The following CCDC68 variants were observed in gnomAD, a reference collection of about 807,000 sequenced individuals.
The protein encoded by CCDC68 is coiled-coil domain-containing protein 68.
A neutral mutation model predicts 47.1 loss-of-function variants in CCDC68; 45 were observed. The ratio of observed to expected loss-of-function variants is 0.96; its 90% CI spans 0.75 to 1.23. CCDC68 has a LOEUF of 1.23. Ranked by LOEUF, CCDC68 falls within the 50% of genes most tolerant of loss-of-function variation. The pLI, the probability that CCDC68 is intolerant of heterozygous loss-of-function variation, is 0.00. For missense variants in CCDC68, 353 were observed against 373.6 expected, an observed-to-expected ratio of 0.94 and a Z score of 0.45; for synonymous variants, 131 against 129.5, an observed-to-expected ratio of 1.01 and a Z score of -0.08.
chr18:54,938,442 G>T (rs1436405210), intron 4 of CCDC68, among the ~76,000 whole-genome samples: 1 of 152,140 alleles, frequency 6.6e-6, no homozygotes, highest in Non-Finnish European at 1.5e-5. Context: ...ATTACATTTT[G>T]GTCACATTGC....
chr18:54,901,696 TTTTCCTGAC>T lies in CCDC68; in HGVS notation c.*2653_*2661del, dbSNP rs1913691060. On this transcript the variant is annotated 3_prime_UTR_variant, in exon 12 of 12. Coordinates refer to ENST00000591504, the MANE Select transcript of CCDC68 (RefSeq NM_025214.3). ...TCAAGGTAGAACTAAGTTTCTTTTC[TTTTCCTGAC>T]TTCATGTATGAATTTCAGACCCACC... 1 of 152,202 alleles carries T rather than the reference TTTTCCTGAC, an allele frequency of 6.6e-6. No homozygotes were observed. The highest frequency in any genetic ancestry group is 6.5e-5 in the Admixed American group (1 of 15,280). 9.4% of individuals were successfully genotyped at this position (152,202 alleles called of 1,614,324 possible).
intron 8 of CCDC68, among the ~76,000 whole-genome samples, chr18:54,921,800 C>A (rs1046290401): frequency 2.0e-5 from 3 of 152,156 alleles, no homozygotes; most frequent in African/African-American, 7.2e-5. Flanking sequence ...GAAATGTAAA[C>A]GGTCAATGCA....
intron 8 of CCDC68, among the ~76,000 whole-genome samples, chr18:54,919,757 G>C (rs540500849): frequency 2.6e-4 from 39 of 152,196 alleles, no homozygotes; most frequent in Non-Finnish European, 5.4e-4. Flanking sequence ...CAATAGCAGA[G>C]TCAGAACATG....
intron 1 of CCDC68, among the ~76,000 whole-genome samples, chr18:54,959,025 G>A (rs927984036): frequency 6.6e-6 from 1 of 152,180 alleles, no homozygotes; most frequent in East Asian, 1.9e-4. Flanking sequence ...GGGGACCCCT[G>A]ACAAACGGAT....
chr18:54,908,639 G>C (rs1207787442), intron 10 of CCDC68, among the ~76,000 whole-genome samples: 1 of 152,072 alleles, frequency 6.6e-6, no homozygotes, highest in African/African-American at 2.4e-5. Context: ...GATTTAAAAT[G>C]AGATAAAAAA....
chr18:54,911,103 C>A (rs1914337772), intron 10 of CCDC68, among the ~76,000 whole-genome samples: 1 of 152,184 alleles, frequency 6.6e-6, no homozygotes. Context: ...CTCATTACAG[C>A]CATCAATGGC....
chr18:54,918,369 G>A (rs929055732), intron 9 of CCDC68, among the ~76,000 whole-genome samples: 8 of 152,216 alleles, frequency 5.3e-5, no homozygotes, highest in African/African-American at 1.9e-4. Context: ...GGTGTGCAGA[G>A]GGTCCCTGCA....
intron 7 of CCDC68, among the ~76,000 whole-genome samples, chr18:54,929,616 T>C (rs551766329): frequency 6.6e-6 from 1 of 152,250 alleles, no homozygotes; most frequent in African/African-American, 2.4e-5. Context: ...GTTGCCAAGT[T>C]GGAAAGAATC....
At chr18:54,920,437 C>T (rs1348958858) in intron 8 of CCDC68, among the ~76,000 whole-genome samples, 1 of 152,030 alleles carries the variant, frequency 6.6e-6, no homozygotes, top group Non-Finnish European at 1.5e-5. Flanking sequence ...GATGGAGTTT[C>T]ACCATGTTGG....
rs781685892 is a variant in CCDC68 at position 54,918,011 on chromosome 18, A to G, written c.790-15T>C. 51 of 1,187,270 alleles carry G rather than the reference A, an allele frequency of 4.3e-5. No homozygotes were observed. Among genetic ancestry groups the G allele is most frequent in the Non-Finnish European group, 6.0e-5 (49 of 819,468 alleles). 73.5% of individuals were successfully genotyped at this position (1,187,270 alleles called of 1,614,324 possible). A position where few individuals can be genotyped will look rare whatever the true frequency, so the allele number is the denominator to read the frequency against. ...AATCCTTCCATCTAAGAATTAGAAA[A>G]CACAATAGGAAAAACCTTGTCAGAC... On this transcript the variant is annotated splice_polypyrimidine_tract_variant and intron_variant, in intron 9 of 11. Transcript: ENST00000591504.
At chr18:54,942,067 G>T (rs1404766021) in intron 3 of CCDC68, among the ~76,000 whole-genome samples, 1 of 152,088 alleles carries the variant, frequency 6.6e-6, no homozygotes. Context: ...CAAAGTGCTG[G>T]GATTACAGGC....
intron 1 of CCDC68, among the ~76,000 whole-genome samples, chr18:54,951,483 G>A (rs2044619476): frequency 6.6e-6 from 1 of 152,178 alleles, no homozygotes. Context: ...TGCAGATGAA[G>A]AAACAAGGCT....
chr18:54,941,350 T>C (rs938774371), intron 3 of CCDC68, among the ~76,000 whole-genome samples: 1 of 152,210 alleles, frequency 6.6e-6, no homozygotes, highest in Non-Finnish European at 1.5e-5. Flanking sequence ...CCCCAAAAAA[T>C]TATTAGTTAG....
intron 9 of CCDC68, among the ~76,000 whole-genome samples, chr18:54,918,824 T>C (rs577794452): frequency 6.6e-6 from 1 of 152,312 alleles, no homozygotes; most frequent in African/African-American, 2.4e-5. Context: ...GTTACCACAA[T>C]CGCCTCGACT....
At chr18:54,922,524 C>T (rs777819152) in intron 8 of CCDC68, among the ~76,000 whole-genome samples, 1 of 152,012 alleles carries the variant, frequency 6.6e-6, no homozygotes, top group Non-Finnish European at 1.5e-5. Context: ...CAGAAGAAAA[C>T]CTCAGTTACT....
intron 1 of CCDC68, among the ~76,000 whole-genome samples, chr18:54,950,879 G>A (rs4602120): frequency 0.19 from 24,451 of 130,780 alleles, 2,808 homozygotes; most frequent in East Asian, 0.34. Context: ...CAATTAGGTT[G>A]ACCCCAAATT....
At chr18:54,940,074 C>T (rs981390968) in intron 4 of CCDC68, among the ~76,000 whole-genome samples, 152 of 152,086 alleles carry the variant, frequency 1.0e-3, no homozygotes, top group African/African-American at 3.6e-3. Context: ...TGGGAACGGT[C>T]CCCTCAAGAC....
chr18:54,910,253 TCGTCTGTG>T (rs1914279100), intron 10 of CCDC68, among the ~76,000 whole-genome samples: 2 of 152,134 alleles, frequency 1.3e-5, no homozygotes, highest in Admixed American at 6.5e-5. Flanking sequence ...GGCTGCCCCA[TCGTCTGTG>T]CAGCTCTCAT....
chr18:54,909,780 C>T (rs551856376), intron 10 of CCDC68, among the ~76,000 whole-genome samples: 196 of 152,328 alleles, frequency 1.3e-3, no homozygotes, highest in African/African-American at 4.4e-3. Context: ...CAGCTGGCAC[C>T]GGGGAACACG....
Sources: gnomAD v4.1 joint callset for allele counts (sites outside exome capture counted in the v4.1 genomes callset) on GRCh38, gnomAD v4.1.1 for gene constraint, MANE v1.5 for transcripts, NCBI Gene and HGNC (gene_info 2026-07-23, HGNC 2026-07-21) for gene names.